ADAMTSL1: variants seen among roughly 807,000 people sequenced by gnomAD.
The protein encoded by ADAMTSL1 is ADAMTS like 1.
A neutral mutation model predicts 201.8 loss-of-function variants in ADAMTSL1; 126 were observed. The observed-to-expected ratio is 0.62, with a 90% CI of 0.54 to 0.72. ADAMTSL1 has a LOEUF of 0.72. Ranked by LOEUF, ADAMTSL1 falls within the 30% of genes least tolerant of loss-of-function variation. The pLI, the probability that ADAMTSL1 is intolerant of heterozygous loss-of-function variation, is 0.00. For synonymous variants in ADAMTSL1, 1,121 were observed against 903.4 expected (o/e 1.24, Z -4.32); for missense variants, 2,679 against 2,277.8 (o/e 1.18, Z -3.59).
chr9:18,292,443 G>C (rs1833310972), intron 2 of ADAMTSL1, among the ~76,000 whole-genome samples: 2 of 152,160 alleles, frequency 1.3e-5, no homozygotes, highest in South Asian at 4.1e-4. Flanking sequence ...GCGTCAACTT[G>C]ATTGGATTGA....
intron 20 of ADAMTSL1, among the ~76,000 whole-genome samples, chr9:18,813,950 G>A (rs1226236631): frequency 6.6e-6 from 1 of 152,174 alleles, no homozygotes; most frequent in Non-Finnish European, 1.5e-5. Context: ...CTGTGGATTT[G>A]TCATATATGG....
intron 1 of ADAMTSL1, among the ~76,000 whole-genome samples, chr9:18,500,051 G>C (rs1338341222): frequency 1.3e-5 from 2 of 152,262 alleles, no homozygotes; most frequent in African/African-American, 2.4e-5. Context: ...ACCTGTCCAG[G>C]TTCCAATGAA....
At position 17,965,078 on chromosome 9, in the gene ADAMTSL1, T is replaced by TACAATA. The variant is rs1377953638; in HGVS notation, c.87+58166_87+58171dup. ...AGATTTATTTTCTATTTAGTATTTT[T>TACAATA]ACAATAACAATAACATATAATGGAC... is the stretch of plus-strand genomic sequence containing the variant. On this transcript the variant is annotated intron_variant, in intron 1 of 29. Transcript: ENST00000680146. 2.0e-5 allele frequency among the ~76,000 whole-genome samples: 3 copies of TACAATA among 152,196 alleles called. No homozygotes were observed. The East Asian group carries it at 5.8e-4, about 29-fold the overall frequency.
chr9:17,919,551 G>A (rs10810873), intron 1 of ADAMTSL1, among the ~76,000 whole-genome samples: 40,177 of 151,652 alleles, frequency 0.26, 6,545 homozygotes, highest in African/African-American at 0.46. Context: ...CTAGATTTTC[G>A]TATCAATGGA....
intron 20 of ADAMTSL1, among the ~76,000 whole-genome samples, chr9:18,813,803 A>T (rs752380317): frequency 2.6e-5 from 4 of 152,302 alleles, no homozygotes; most frequent in Non-Finnish European, 5.9e-5. Context: ...TGCCCTTTAT[A>T]TGGTTCTCTT....
At chr9:18,433,712 A>G (rs1195668498) in intron 2 of ADAMTSL1, among the ~76,000 whole-genome samples, 1 of 152,210 alleles carries the variant, frequency 6.6e-6, no homozygotes, top group Non-Finnish European at 1.5e-5. Flanking sequence ...CTCAAAGCTA[A>G]TTAAACCTAA....
intron 2 of ADAMTSL1, among the ~76,000 whole-genome samples, chr9:18,190,262 A>ATG (rs1428440074): frequency 6.6e-6 from 1 of 152,152 alleles, no homozygotes; most frequent in Non-Finnish European, 1.5e-5. Context: ...GGATATCATG[A>ATG]TGTGTGTGTG....
chr9:18,546,032 T>C (rs1820446574), intron 3 of ADAMTSL1, among the ~76,000 whole-genome samples: 1 of 152,208 alleles, frequency 6.6e-6, no homozygotes, highest in Admixed American at 6.5e-5. Context: ...CAAGGGCCAT[T>C]ATTTAATTAG....
At chr9:18,170,065 A>G (rs185833802) in intron 2 of ADAMTSL1, among the ~76,000 whole-genome samples, 8 of 151,978 alleles carry the variant, frequency 5.3e-5, no homozygotes, top group Admixed American at 4.6e-4. Flanking sequence ...CATCCTACAT[A>G]GTTTGTAAAA....
At chr9:18,838,381 AC>A in intron 23 of ADAMTSL1, among the ~76,000 whole-genome samples, 1 of 138,440 alleles carries the variant, frequency 7.2e-6, no homozygotes. Flanking sequence ...ACACACACAC[AC>A]ACACACACAC....
At chr9:18,016,318 C>T (rs928806663) in intron 1 of ADAMTSL1, among the ~76,000 whole-genome samples, 2 of 152,004 alleles carry the variant, frequency 1.3e-5, no homozygotes, top group Admixed American at 6.6e-5. Flanking sequence ...TTGTCATTGT[C>T]GTGAACTCTT....
chr9:18,449,074 T>C (rs1820307110), intron 2 of ADAMTSL1, among the ~76,000 whole-genome samples: 1 of 146,430 alleles, frequency 6.8e-6, no homozygotes, highest in South Asian at 2.3e-4. Context: ...TACTCATAAA[T>C]CCTGTTTTTA....
rs767016997 is a variant in ADAMTSL1, at chr9:17,945,786, AG to A, written c.87+38869del. Among the ~76,000 whole-genome samples, 105 of 121,246 alleles carry A rather than the reference AG, an allele frequency of 8.7e-4. 2 individuals carry two copies. The East Asian group carries it at 0.018, about 21-fold the overall frequency. 79.5% of individuals were successfully genotyped at this position (121,246 alleles called of 152,430 possible). A position where few individuals can be genotyped will look rare whatever the true frequency, so the allele number is the denominator to read the frequency against. On this transcript the variant is annotated intron_variant, in intron 1 of 29. Coordinates refer to the ADAMTSL1 transcript ENST00000680146. ...AACAATGAGAACACATGGACACAGG[AG>A]GGGGAACATCACACTCTGGGGACTG...
intron 4 of ADAMTSL1, among the ~76,000 whole-genome samples, chr9:18,599,227 T>C (rs1824468585): frequency 6.6e-6 from 1 of 152,222 alleles, no homozygotes; most frequent in Non-Finnish European, 1.5e-5. Flanking sequence ...AAAGGATTTG[T>C]TTTTTGAATA....
At chr9:18,287,106 T>A (rs1442600135) in intron 2 of ADAMTSL1, among the ~76,000 whole-genome samples, 1 of 152,180 alleles carries the variant, frequency 6.6e-6, no homozygotes, top group South Asian at 2.1e-4. Flanking sequence ...TTGTACCTCC[T>A]GCAGCCTCCC....
chr9:17,907,077 G>T (rs1490639413), intron 1 of ADAMTSL1, among the ~76,000 whole-genome samples: 1 of 152,216 alleles, frequency 6.6e-6, no homozygotes, highest in African/African-American at 2.4e-5. Context: ...GTGGCGCGGG[G>T]TTGGGGCTAA....
chr9:18,824,649 T>C (rs1824420742), intron 21 of ADAMTSL1, among the ~76,000 whole-genome samples: 1 of 150,628 alleles, frequency 6.6e-6, no homozygotes, highest in South Asian at 2.1e-4. Flanking sequence ...TCTGGCTCCT[T>C]GGCCATTCTT....
Position 18,827,493 on chromosome 9 carries a change from G to A in ADAMTSL1, c.4114+1030G>A, listed in dbSNP as rs528186495. ...TCACTGGTGGCTGCATAAACCTCCAGCCATCTTAAGAAGCCACAGAAAACT... is the reference window on the plus strand; with the variant it reads ...TCACTGGTGGCTGCATAAACCTCCAACCATCTTAAGAAGCCACAGAAAACT... On this transcript the variant is annotated intron_variant, in intron 22 of 28. Transcript: ENST00000380548. 4.6e-5 allele frequency among the ~76,000 whole-genome samples: 7 copies of A among 152,204 alleles called. No homozygotes were observed. In the East Asian group the frequency reaches 5.8e-4, roughly 13 times the overall value.
In ADAMTSL1 at chr9:18,817,114, C is replaced by T; in HGVS notation, c.3811C>T (p.Pro1271Ser). 2 of 1,609,114 alleles carry T rather than the reference C, an allele frequency of 1.2e-6. No homozygotes were observed. The highest frequency in any genetic ancestry group is 1.7e-6 in the Non-Finnish European group (2 of 1,178,078). Residue 1271 changes from proline to serine, a missense_variant, in exon 21 of 29, where the codon CCA becomes TCA. By Grantham distance (74) the Pro-to-Ser change is moderately conservative (BLOSUM62 -1). Coordinates refer to ENST00000380548, the MANE Select transcript of ADAMTSL1 (RefSeq NM_001040272.6). ...ATATTCTTTCTTATCTTCAGGAAAGCCACTAGTGAAAACGTCACGAATGAC... is the reference window on the plus strand; with the variant it reads ...ATATTCTTTCTTATCTTCAGGAAAGTCACTAGTGAAAACGTCACGAATGAC... The part of the protein sequence containing the change: ...VSIAVTLAGK[P>S]LVKTSRMTVI...
Sources: allele counts gnomAD v4.1 joint callset (sites outside exome capture counted in the v4.1 genomes callset), GRCh38; gene constraint gnomAD v4.1.1; transcripts MANE v1.5; gene names NCBI Gene and HGNC (gene_info 2026-07-23, HGNC 2026-07-21).